The following FNBP1 variants were observed in gnomAD, a reference collection of about 807,000 sequenced individuals.
FNBP1 encodes formin binding protein 1.
FNBP1 carries 26 observed loss-of-function variants against 90.6 expected under a neutral mutation model. That is an observed-to-expected ratio of 0.29 (90% CI 0.21 to 0.40). The LOEUF is 0.40. Among genes scored for constraint, FNBP1 ranks in the 10% least tolerant of loss-of-function variants. The pLI, the probability that FNBP1 is intolerant of heterozygous loss-of-function variation, is 1.00. For missense variants in FNBP1, 635 were observed against 768.0 expected, an observed-to-expected ratio of 0.83 and a Z score of 2.05; for synonymous variants, 260 against 265.2, an observed-to-expected ratio of 0.98 and a Z score of 0.19.
At chr9:129,908,097 C>T (rs751087001) in intron 12 of FNBP1, among the ~76,000 whole-genome samples, 9 of 152,070 alleles carry the variant, frequency 5.9e-5, no homozygotes, top group Admixed American at 5.2e-4. Flanking sequence ...CTCCCCACCT[C>T]AGCCTCCCAA....
Position 129,900,340 on chromosome 9 carries a change from T to C in FNBP1, c.1550+86A>G. ...ATTTTGGCATTGAACAAGTGCCTTA[T>C]GGTCATTCCAGATTCCAAAATTTAG... is the stretch of plus-strand genomic sequence containing the variant. On this transcript the variant is annotated intron_variant, in intron 14 of 16. Transcript: ENST00000446176. The surrounding 1 kb of genome is among the most constrained non-coding windows in gnomAD (Gnocchi z 4.1). The C allele has an allele frequency of 7.3e-7, 1 of 1,370,434 alleles. No individual in the cohort carries two copies. Among genetic ancestry groups the C allele is most frequent in the African/African-American group, 1.5e-5 (1 of 67,648 alleles). 84.9% of individuals were successfully genotyped at this position (1,370,434 alleles called of 1,614,324 possible). A position where few individuals can be genotyped will look rare whatever the true frequency, so the allele number is the denominator to read the frequency against.
chr9:129,909,626 C>CT (rs983212693), intron 11 of FNBP1, among the ~76,000 whole-genome samples: 15 of 148,942 alleles, frequency 1.0e-4, no homozygotes, highest in South Asian at 8.6e-4. Flanking sequence ...AGTCTAGTTA[C>CT]TTTTTTTTTT....
chr9:129,896,031 T>C (rs1034344066), intron 15 of FNBP1, 35 bp from the exon 16 acceptor site: 3 of 1,563,768 alleles, frequency 1.9e-6, no homozygotes, highest in East Asian at 4.6e-5. Context: ...TTAGATGTCT[T>C]GGCAAATGCA....
At chr9:129,980,255 G>A (rs1415304107) in intron 2 of FNBP1, among the ~76,000 whole-genome samples, 2 of 151,490 alleles carry the variant, frequency 1.3e-5, no homozygotes, top group Non-Finnish European at 2.9e-5. Context: ...AGCTACTCAG[G>A]AGGCTGAGGC....
At chr9:129,995,213 T>C (rs1273623036) in intron 1 of FNBP1, among the ~76,000 whole-genome samples, 1 of 152,156 alleles carries the variant, frequency 6.6e-6, no homozygotes, top group East Asian at 1.9e-4. Flanking sequence ...TTTTCAGATA[T>C]AACTGATGTC....
chr9:130,037,682 G>C (rs1480025114), intron 1 of FNBP1, among the ~76,000 whole-genome samples: 1 of 152,104 alleles, frequency 6.6e-6, no homozygotes, highest in East Asian at 1.9e-4. Context: ...GGGCAGAAAG[G>C]ATATGGAAAA....
intron 1 of FNBP1, among the ~76,000 whole-genome samples, chr9:130,019,849 C>A (rs551531813): frequency 6.6e-6 from 1 of 152,004 alleles, no homozygotes; most frequent in African/African-American, 2.4e-5. Flanking sequence ...TGAGCCACCG[C>A]GCCCGGCCCA....
At chr9:130,037,724 G>A (rs113379260) in intron 1 of FNBP1, among the ~76,000 whole-genome samples, 1 of 152,132 alleles carries the variant, frequency 6.6e-6, no homozygotes, top group African/African-American at 2.4e-5. Context: ...GCTATGAACC[G>A]AAACTGCTCT....
intron 10 of FNBP1, among the ~76,000 whole-genome samples, chr9:129,919,543 G>A (rs1290569346): frequency 6.6e-6 from 1 of 152,168 alleles, no homozygotes; most frequent in Non-Finnish European, 1.5e-5. Context: ...TGAAACAATG[G>A]TTAATGTTCT....
chr9:129,905,186 C>T (rs1266796890), intron 12 of FNBP1, among the ~76,000 whole-genome samples: 1 of 151,434 alleles, frequency 6.6e-6, no homozygotes, highest in African/African-American at 2.4e-5. Flanking sequence ...TCTTTAGCTT[C>T]TCTCCTCCCA....
rs677813 is a variant in FNBP1, at chr9:130,042,217, A to C, written c.24+735T>G. Among the ~76,000 whole-genome samples the C allele has an allele frequency of 1, 151,746 of 152,140 alleles. 75,679 individuals carry two copies. Among genetic ancestry groups the C allele is most frequent in the Non-Finnish European group, 1 (67,982 of 67,982 alleles). ...CCGCCAACTTTCCCCACTGGAAACT[A>C]TTCTCCGAGCAACCGTTAAAGATCA... On this transcript the variant is annotated intron_variant, in intron 1 of 16. Transcript: ENST00000446176. The surrounding 1 kb of genome is among the most constrained non-coding windows in gnomAD (Gnocchi z 5.5).
At chr9:129,938,018 G>A (rs1483082689) in intron 6 of FNBP1, among the ~76,000 whole-genome samples, 1 of 151,986 alleles carries the variant, frequency 6.6e-6, no homozygotes, top group Non-Finnish European at 1.5e-5. Context: ...ACAAAAATTA[G>A]TCGAGTGTGG....
At chr9:130,007,285 C>T (rs951654192) in intron 1 of FNBP1, among the ~76,000 whole-genome samples, 4 of 137,694 alleles carry the variant, frequency 2.9e-5, no homozygotes, top group Non-Finnish European at 4.8e-5. Flanking sequence ...CAGAAAGACA[C>T]ATAGAGTACA....
chr9:129,926,300 G>T (rs1232025337), intron 8 of FNBP1, among the ~76,000 whole-genome samples: 1 of 152,084 alleles, frequency 6.6e-6, no homozygotes, highest in Admixed American at 6.6e-5. Context: ...TTGAATATTT[G>T]TGTCTTCAAA....
chr9:129,928,738 G>T (rs935274850), intron 7 of FNBP1, among the ~76,000 whole-genome samples: 4 of 151,862 alleles, frequency 2.6e-5, no homozygotes, highest in Non-Finnish European at 5.9e-5. Flanking sequence ...ATAGAAATTT[G>T]CAAAGTTATT....
intron 10 of FNBP1, 28 bp downstream of exon 10, chr9:129,923,816 A>C (rs200746838): frequency 6.5e-7 from 1 of 1,540,908 alleles, no homozygotes; most frequent in Non-Finnish European, 8.7e-7. Flanking sequence ...AGCACGCCAG[A>C]GAGACAGGAT....
At chr9:129,994,694 C>A in intron 2 of FNBP1, 149 bp downstream of exon 2, 3 of 385,396 alleles carry the variant, frequency 7.8e-6, no homozygotes, top group Non-Finnish European at 9.2e-6. Context: ...AATTAATTTT[C>A]TGTATGAAAA....
chr9:130,030,593 G>A lies in FNBP1; in HGVS notation c.24+12359C>T, dbSNP rs528141581. On this transcript the variant is annotated intron_variant, in intron 1 of 16. Coordinates refer to ENST00000446176, the MANE Select transcript of FNBP1 (RefSeq NM_015033.3). ...TCCTCCAGAGGAGGCAGAAGCCTAGGGCTCCCATTGTCATCAGCCATTACA... is the reference window on the plus strand; with the variant it reads ...TCCTCCAGAGGAGGCAGAAGCCTAGAGCTCCCATTGTCATCAGCCATTACA... 8.5e-5 allele frequency among the ~76,000 whole-genome samples: 13 copies of A among 152,212 alleles called. No individual in the cohort carries two copies. In the East Asian group the frequency reaches 1.4e-3, roughly 16 times the overall value.
At chr9:130,049,744 G>A in the FNBP1 span, among the ~76,000 whole-genome samples, 1 of 151,918 alleles carries the variant, frequency 6.6e-6, no homozygotes, top group African/African-American at 2.4e-5. Context: ...GAAAGAATAC[G>A]TATAAAATGT....
Sources: gnomAD v4.1 joint callset for allele counts (sites outside exome capture counted in the v4.1 genomes callset) on GRCh38, gnomAD v4.1.1 for gene constraint, Gnocchi (gnomAD v3.1) non-coding constraint, MANE v1.5 for transcripts, NCBI Gene and HGNC (gene_info 2026-07-23, HGNC 2026-07-21) for gene names.